Variants in NLGN1 observed in about 807,000 individuals in gnomAD.
NLGN1 encodes neuroligin 1.
A neutral mutation model predicts 65.5 loss-of-function variants in NLGN1; 12 were observed. The observed-to-expected ratio is 0.18, with a 90% CI of 0.12 to 0.30. The LOEUF (loss-of-function observed/expected upper bound fraction) is 0.30. Among genes scored for constraint, NLGN1 ranks in the 10% least tolerant of loss-of-function variants. The pLI is 1.00. For missense variants in NLGN1, 750 were observed against 1,007.1 expected, an observed-to-expected ratio of 0.74 and a Z score of 3.46; for synonymous variants, 350 against 359.5, an observed-to-expected ratio of 0.97 and a Z score of 0.30.
chr3:173,444,171 C>G (rs2148810634), intron 2 of NLGN1, among the ~76,000 whole-genome samples: 1 of 152,302 alleles, frequency 6.6e-6, no homozygotes, highest in East Asian at 1.9e-4. Flanking sequence ...TTTATAAAAT[C>G]CTGACTTAAA....
intron 4 of NLGN1, among the ~76,000 whole-genome samples, chr3:174,219,413 A>G (rs974760650): frequency 3.3e-5 from 5 of 152,126 alleles, no homozygotes; most frequent in African/African-American, 4.8e-5. Flanking sequence ...GTATTCCTCA[A>G]GACATGGTCC....
At chr3:174,180,095 C>T (rs549483298) in intron 4 of NLGN1, among the ~76,000 whole-genome samples, 2 of 152,252 alleles carry the variant, frequency 1.3e-5, no homozygotes, top group South Asian at 2.1e-4. Context: ...ATTTCTGTAA[C>T]AGTCCCTTCC....
At chr3:173,862,837 T>A (rs1729411623) in intron 4 of NLGN1, among the ~76,000 whole-genome samples, 1 of 152,214 alleles carries the variant, frequency 6.6e-6, no homozygotes. Context: ...GAACTCCCAA[T>A]ATTCAGGTAA....
chr3:174,036,599 T>TC (rs1579918901), intron 4 of NLGN1, among the ~76,000 whole-genome samples: 2 of 147,136 alleles, frequency 1.4e-5, no homozygotes, highest in South Asian at 2.1e-4. Flanking sequence ...TTTTTTTTTT[T>TC]CAAATTTAAC....
intron 3 of NLGN1, among the ~76,000 whole-genome samples, chr3:173,674,152 G>T (rs1762818314): frequency 6.6e-6 from 1 of 151,892 alleles, no homozygotes; most frequent in Non-Finnish European, 1.5e-5. Flanking sequence ...CCATATTAAG[G>T]ACATAAATTT....
At chr3:173,673,279 C>A (rs955923652) in intron 3 of NLGN1, among the ~76,000 whole-genome samples, 1 of 152,136 alleles carries the variant, frequency 6.6e-6, no homozygotes, top group South Asian at 2.1e-4. Flanking sequence ...TAAGTAGCTA[C>A]TAGTGCTAGT....
chr3:173,801,963 G>A (rs1715538023), intron 3 of NLGN1, among the ~76,000 whole-genome samples: 1 of 151,986 alleles, frequency 6.6e-6, no homozygotes, highest in African/African-American at 2.4e-5. Context: ...TCAGGCTTTG[G>A]GACTTTTTGA....
At chr3:173,927,550 C>T (rs372233130) in intron 4 of NLGN1, among the ~76,000 whole-genome samples, 5 of 152,226 alleles carry the variant, frequency 3.3e-5, no homozygotes, top group African/African-American at 1.2e-4. Flanking sequence ...TCTTCCCATT[C>T]ACTGCTCAGG....
At chr3:174,138,749 A>G (rs1046299146) in intron 4 of NLGN1, among the ~76,000 whole-genome samples, 16 of 152,136 alleles carry the variant, frequency 1.1e-4, no homozygotes, top group Non-Finnish European at 1.8e-4. Flanking sequence ...TATTCTTAAG[A>G]TTTAGTTCTT....
chr3:174,066,564 C>CTCTCTGTGTG (rs1553925385), intron 4 of NLGN1, among the ~76,000 whole-genome samples: 3 of 100,100 alleles, frequency 3.0e-5, no homozygotes, highest in South Asian at 3.6e-4. Context: ...CTCTCTCTCT[C>CTCTCTGTGTG]TGTGTGTGTG....
chr3:173,567,059 T>G (rs191917842), intron 2 of NLGN1, among the ~76,000 whole-genome samples: 116 of 152,262 alleles, frequency 7.6e-4, no homozygotes, highest in African/African-American at 2.7e-3. Context: ...TAGCCTTAGT[T>G]ATTAAAAAAG....
intron 3 of NLGN1, among the ~76,000 whole-genome samples, chr3:173,673,114 A>C (rs1762669863): frequency 6.6e-6 from 1 of 152,220 alleles, no homozygotes; most frequent in Admixed American, 6.5e-5. Context: ...AAAGATTTAC[A>C]TTATCAGCAT....
intron 4 of NLGN1, among the ~76,000 whole-genome samples, chr3:174,270,324 G>A (rs748018450): frequency 1.3e-5 from 2 of 151,142 alleles, no homozygotes; most frequent in Non-Finnish European, 3.0e-5. Context: ...TTTTTATATG[G>A]TGTATGCTAA....
chr3:174,084,810 A>G (rs1044307387), intron 4 of NLGN1, among the ~76,000 whole-genome samples: 1 of 152,108 alleles, frequency 6.6e-6, no homozygotes, highest in Non-Finnish European at 1.5e-5. Flanking sequence ...ATATTGGAAT[A>G]ATGAGCTTCA....
intron 4 of NLGN1, among the ~76,000 whole-genome samples, chr3:173,931,903 G>A (rs1458017222): frequency 1.3e-5 from 2 of 152,204 alleles, no homozygotes. Flanking sequence ...AATTATCTTG[G>A]AAGGTACAGC....
intron 4 of NLGN1, among the ~76,000 whole-genome samples, chr3:174,143,664 C>A (rs547954506): frequency 1.3e-5 from 2 of 152,246 alleles, no homozygotes; most frequent in South Asian, 4.1e-4. Flanking sequence ...CCACAATGCA[C>A]TCTTTGGCAA....
intron 2 of NLGN1, among the ~76,000 whole-genome samples, chr3:173,507,142 TTC>T (rs1406081145): frequency 2.6e-5 from 4 of 152,154 alleles, no homozygotes; most frequent in African/African-American, 9.7e-5. Context: ...ATTAAATTTT[TTC>T]ACTTCTGCTG....
chr3:174,073,980 T>C (rs1396129263), intron 4 of NLGN1, among the ~76,000 whole-genome samples: 1 of 152,178 alleles, frequency 6.6e-6, no homozygotes. Context: ...ATTGTTAGCT[T>C]TCATCTAATA....
chr3:174,091,452 C>A (rs1561020828), intron 4 of NLGN1, among the ~76,000 whole-genome samples: 1 of 152,268 alleles, frequency 6.6e-6, no homozygotes, highest in South Asian at 2.1e-4. Flanking sequence ...GCCTGTGGCA[C>A]AAATATTTTC....
Sources: allele counts gnomAD v4.1 joint callset (sites outside exome capture counted in the v4.1 genomes callset), GRCh38; gene constraint gnomAD v4.1.1; transcripts MANE v1.5; gene names NCBI Gene and HGNC (gene_info 2026-07-23, HGNC 2026-07-21).